Variants in LRP1B observed in about 807,000 individuals in gnomAD.
LRP1B encodes LDL receptor related protein 1B, also known as low-density lipoprotein receptor-related protein 1B.
LRP1B carries 217 observed loss-of-function variants against 556.6 expected under a neutral mutation model. The observed-to-expected ratio is 0.39, with a 90% CI of 0.35 to 0.44. The LOEUF is 0.44. Ranked by LOEUF, LRP1B falls within the 20% of genes least tolerant of loss-of-function variation. LRP1B has a pLI of 1.00. For missense variants in LRP1B, 5,053 were observed against 5,620.8 expected (o/e 0.90, Z 3.23); for synonymous variants, 2,047 against 1,865.8 (o/e 1.10, Z -2.50).
At chr2:141,440,271 C>G (rs1680914393) in intron 3 of LRP1B, among the ~76,000 whole-genome samples, 1 of 152,202 alleles carries the variant, frequency 6.6e-6, no homozygotes, top group Non-Finnish European at 1.5e-5. Context: ...CTTATTGAGA[C>G]GACTGGCTAT....
intron 1 of LRP1B, among the ~76,000 whole-genome samples, chr2:142,012,910 CA>C (rs1243786038): frequency 6.6e-6 from 1 of 152,020 alleles, no homozygotes; most frequent in Non-Finnish European, 1.5e-5. Flanking sequence ...TCTCATCTGT[CA>C]AATAGACCTA....
chr2:140,374,493 G>A (rs550946393), intron 68 of LRP1B, among the ~76,000 whole-genome samples: 11 of 152,206 alleles, frequency 7.2e-5, no homozygotes, highest in South Asian at 2.1e-4. Flanking sequence ...AAGGATAATC[G>A]GAAATGTGGG....
intron 3 of LRP1B, among the ~76,000 whole-genome samples, chr2:141,362,393 G>A (rs925791787): frequency 3.3e-5 from 5 of 152,196 alleles, no homozygotes; most frequent in African/African-American, 1.2e-4. Flanking sequence ...GAGGGCATCT[G>A]CAAGTAGCCA....
At chr2:141,306,698 C>T (rs528514089) in intron 3 of LRP1B, among the ~76,000 whole-genome samples, 55 of 151,972 alleles carry the variant, frequency 3.6e-4, no homozygotes, top group Middle Eastern at 3.4e-3. Context: ...TCCTTGAAGT[C>T]CATTTTTACA....
intron 1 of LRP1B, among the ~76,000 whole-genome samples, chr2:142,123,655 G>GT (rs558738516): frequency 0.058 from 7,927 of 136,520 alleles, 387 homozygotes; most frequent in African/African-American, 0.14. Context: ...TCTTCAAGAA[G>GT]TTTTTTTTTT....
At chr2:141,616,412 C>G (rs72978036) in intron 2 of LRP1B, among the ~76,000 whole-genome samples, 1 of 152,056 alleles carries the variant, frequency 6.6e-6, no homozygotes, top group Non-Finnish European at 1.5e-5. Flanking sequence ...TCCTCAGTAA[C>G]TTTCATACGT....
At chr2:140,932,927 G>T in intron 20 of LRP1B, among the ~76,000 whole-genome samples, 1 of 72,394 alleles carries the variant, frequency 1.4e-5, no homozygotes, top group Non-Finnish European at 3.0e-5. Context: ...ATATATATGT[G>T]TATATATATA....
intron 7 of LRP1B, among the ~76,000 whole-genome samples, chr2:141,110,822 A>G (rs1922701): frequency 0.8 from 122,163 of 152,090 alleles, 49,727 homozygotes; most frequent in East Asian, 0.87. Flanking sequence ...AATAAGGGAA[A>G]TTCTGAGAAG....
chr2:141,070,863 A>G (rs1156549723), intron 7 of LRP1B, among the ~76,000 whole-genome samples: 1 of 152,078 alleles, frequency 6.6e-6, no homozygotes, highest in Admixed American at 6.6e-5. Flanking sequence ...GCAATAATCA[A>G]TAGCTTACCA....
In LRP1B at chr2:140,867,852, C is replaced by T. The variant is rs760682522; in HGVS notation, c.4335-18G>A. 2.7e-6 allele frequency: 4 copies of T among 1,501,454 alleles called. No individual in the cohort carries two copies. In the Admixed American group the frequency reaches 9.2e-5, roughly 34 times the overall value. 93.0% of individuals were successfully genotyped at this position (1,501,454 alleles called of 1,614,324 possible). A position where few individuals can be genotyped will look rare whatever the true frequency, so the allele number is the denominator to read the frequency against. ...CATCTGACCTACAGAAAGATAAATA[C>T]ATGAGTAGTTTGTCAAAACTCATTC... On this transcript the variant is annotated intron_variant, in intron 26 of 90. Coordinates refer to ENST00000389484, the MANE Select transcript of LRP1B (RefSeq NM_018557.3).
In LRP1B at chr2:142,002,621, A is replaced by G. The variant is rs1005059356; in HGVS notation, c.82+128027T>C. On this transcript the variant is annotated intron_variant, in intron 1 of 90. Coordinates refer to ENST00000389484, the MANE Select transcript of LRP1B (RefSeq NM_018557.3). The stretch of plus-strand genomic sequence containing the variant: ...AGCCATGTATAAGTGTCACAACATG[A>G]AATAACCTTCAGACAGGTACTCACT... 9.9e-5 allele frequency among the ~76,000 whole-genome samples: 15 copies of G among 151,982 alleles called. No homozygotes were observed. The East Asian group carries it at 2.7e-3, about 27-fold the overall frequency.
chr2:140,835,492 T>C (rs970064736), intron 31 of LRP1B, among the ~76,000 whole-genome samples: 15 of 152,290 alleles, frequency 9.8e-5, no homozygotes, highest in African/African-American at 3.6e-4. Context: ...TTCCTTTCTA[T>C]ATAGTATAAA....
chr2:140,980,034 A>G (rs1696721473), intron 18 of LRP1B, among the ~76,000 whole-genome samples: 1 of 151,958 alleles, frequency 6.6e-6, no homozygotes, highest in Non-Finnish European at 1.5e-5. Flanking sequence ...AATTTTCGGT[A>G]TTTTCCTCCT....
chr2:140,791,606 C>T (rs944916651), intron 32 of LRP1B, among the ~76,000 whole-genome samples: 1 of 152,094 alleles, frequency 6.6e-6, no homozygotes, highest in Non-Finnish European at 1.5e-5. Context: ...TAAATTCAAC[C>T]AAGTGCTATG....
At chr2:141,059,201 A>C (rs892820935) in intron 8 of LRP1B, 147 bp from the exon 9 acceptor site, 12 of 523,450 alleles carry the variant, frequency 2.3e-5, no homozygotes, top group Non-Finnish European at 3.5e-5. Context: ...GGAGTTCAAC[A>C]TTTCCCTGAT....
At chr2:140,351,134 T>C (rs1681940095) in intron 76 of LRP1B, 96 bp from the exon 77 acceptor site, 2 of 831,048 alleles carry the variant, frequency 2.4e-6, no homozygotes, top group African/African-American at 3.6e-5. Flanking sequence ...ATTATTATTC[T>C]TAATACAGTT....
At chr2:142,040,687 A>G (rs1704035027) in intron 1 of LRP1B, among the ~76,000 whole-genome samples, 1 of 151,320 alleles carries the variant, frequency 6.6e-6, no homozygotes, top group Admixed American at 6.6e-5. Context: ...AAGTCCACAA[A>G]TAATGTTTTT....
In LRP1B at chr2:141,714,449, CT is replaced by C. The variant is rs11371831; in HGVS notation, c.205+95829del. On this transcript the variant is annotated intron_variant, in intron 2 of 90. Coordinates refer to ENST00000389484, the MANE Select transcript of LRP1B (RefSeq NM_018557.3). ...TTGAAGCAACTTGTCTCTGTAGGCT[CT>C]TTTTTTTTTTTCCTATATTTTAAGT... 6.1e-3 allele frequency among the ~76,000 whole-genome samples: 786 copies of C among 128,284 alleles called. 1 individual carries two copies. The highest frequency in any genetic ancestry group is 0.034 in the Middle Eastern group (8 of 236). 84.2% of individuals were successfully genotyped at this position (128,284 alleles called of 152,430 possible).
intron 37 of LRP1B, among the ~76,000 whole-genome samples, chr2:140,711,307 GCTCATAGTAC>G (rs1687023378): frequency 6.6e-6 from 1 of 151,844 alleles, no homozygotes; most frequent in African/African-American, 2.4e-5. Flanking sequence ...AAACACCCAA[GCTCATAGTAC>G]CTCATCTTTA....
Sources: gnomAD v4.1 joint callset for allele counts (sites outside exome capture counted in the v4.1 genomes callset) on GRCh38, gnomAD v4.1.1 for gene constraint, MANE v1.5 for transcripts, NCBI Gene and HGNC (gene_info 2026-07-23, HGNC 2026-07-21) for gene names.